Variants in NPAS2 observed in about 807,000 individuals in gnomAD.
The protein encoded by NPAS2 is neuronal PAS domain protein 2, also known as neuronal PAS domain-containing protein 2.
Under a neutral mutation model 107.5 loss-of-function variants are expected in NPAS2, and 23 were observed. The ratio of observed to expected loss-of-function variants is 0.21; its 90% CI spans 0.15 to 0.30. NPAS2 has a LOEUF of 0.30. Ranked by LOEUF, NPAS2 falls within the 10% of genes least tolerant of loss-of-function variation. NPAS2 has a pLI of 1.00. For missense variants in NPAS2, 756 were observed against 1,043.3 expected (o/e 0.72, Z 3.79); for synonymous variants, 403 against 417.5 (o/e 0.97, Z 0.42).
At position 100,820,342 on chromosome 2, in the gene NPAS2, G is replaced by C. The variant is rs1676004262; in HGVS notation, c.-95G>C. On this transcript the variant is annotated 5_prime_UTR_variant, in exon 1 of 21. Coordinates refer to ENST00000335681, the MANE Select transcript of NPAS2 (RefSeq NM_002518.4). This position sits in a 1 kb window ranked among gnomAD's most constrained non-coding sequence, Gnocchi z 5.6. The stretch of plus-strand genomic sequence containing the variant: ...CGCCCGCTCGCCGCCTCGTCTCCCA[G>C]CGGCGGCGGGAGGCGCGTCTCCCCG... 1 of 145,666 alleles carries C rather than the reference G, an allele frequency of 6.9e-6. No homozygotes were observed. Among genetic ancestry groups the C allele is most frequent in the South Asian group, 2.1e-4 (1 of 4,718 alleles). 9.0% of individuals were successfully genotyped at this position (145,666 alleles called of 1,614,324 possible).
chr2:100,882,544 C>T (rs11883885), intron 1 of NPAS2, among the ~76,000 whole-genome samples: 6,144 of 152,072 alleles, frequency 0.04, 398 homozygotes, highest in African/African-American at 0.14. Context: ...ACCCGGGAGG[C>T]GGAGGTTGCA....
chr2:100,981,552 C>T (rs1677439234), intron 15 of NPAS2, among the ~76,000 whole-genome samples: 1 of 152,112 alleles, frequency 6.6e-6, no homozygotes, highest in Non-Finnish European at 1.5e-5. Flanking sequence ...GAAGGGGAGA[C>T]CCAAAACAAT....
intron 2 of NPAS2, among the ~76,000 whole-genome samples, chr2:100,920,463 A>G (rs1438270917): frequency 6.6e-6 from 1 of 152,094 alleles, no homozygotes; most frequent in African/African-American, 2.4e-5. Context: ...ACTTCCCTGG[A>G]GGTCTGTCTG....
At chr2:100,869,925 G>A (rs1394968124) in intron 1 of NPAS2, among the ~76,000 whole-genome samples, 1 of 109,140 alleles carries the variant, frequency 9.2e-6, no homozygotes, top group African/African-American at 3.7e-5. Flanking sequence ...TTTTTTTTGA[G>A]ATGGAGTCTC....
At chr2:100,940,297 G>T (rs1418992916) in intron 5 of NPAS2, among the ~76,000 whole-genome samples, 1 of 152,338 alleles carries the variant, frequency 6.6e-6, no homozygotes, top group Middle Eastern at 3.4e-3. Flanking sequence ...TCACCAGTCT[G>T]CTCTGGTGTC....
intron 1 of NPAS2, among the ~76,000 whole-genome samples, chr2:100,856,630 C>T (rs750650642): frequency 5.4e-5 from 8 of 148,242 alleles, no homozygotes; most frequent in South Asian, 2.2e-4. Flanking sequence ...TCAAGCCATG[C>T]GGCACACTCC....
chr2:100,959,102 A>AAC (rs1675762650), intron 7 of NPAS2, among the ~76,000 whole-genome samples: 1 of 143,402 alleles, frequency 7.0e-6, no homozygotes, highest in Admixed American at 6.8e-5. Context: ...AAAAAAAAAA[A>AAC]AAAAAAACAA....
At chr2:100,988,041 T>A in intron 16 of NPAS2, 38 bp from the exon 17 acceptor site, 1 of 1,606,094 alleles carries the variant, frequency 6.2e-7, no homozygotes, top group Non-Finnish European at 8.5e-7. Flanking sequence ...GAGGTACCCA[T>A]GACCCCAACT....
chr2:100,833,575 A>G (rs982000861), intron 1 of NPAS2, among the ~76,000 whole-genome samples: 2 of 152,204 alleles, frequency 1.3e-5, no homozygotes, highest in Non-Finnish European at 2.9e-5. Flanking sequence ...CTAGAAGCCA[A>G]ACACTCAGAA....
intron 7 of NPAS2, 35 bp downstream of exon 7, chr2:100,949,515 C>CT: frequency 7.9e-7 from 1 of 1,258,492 alleles, no homozygotes; most frequent in Non-Finnish European, 1.2e-6. Context: ...GTGACAGTGT[C>CT]TTTTCTCATG....
At chr2:100,855,732 G>A (rs371894884) in intron 1 of NPAS2, among the ~76,000 whole-genome samples, 8 of 152,300 alleles carry the variant, frequency 5.3e-5, no homozygotes, top group Non-Finnish European at 8.8e-5. Context: ...GCATAGGGCC[G>A]AATTCAGCAG....
intron 1 of NPAS2, among the ~76,000 whole-genome samples, chr2:100,852,256 G>C (rs1335426855): frequency 6.6e-6 from 1 of 152,022 alleles, no homozygotes; most frequent in African/African-American, 2.4e-5. Context: ...AATTAGCCGG[G>C]CGTGGTGGTG....
chr2:100,852,373 G>T (rs1678254775), intron 1 of NPAS2, among the ~76,000 whole-genome samples: 1 of 151,924 alleles, frequency 6.6e-6, no homozygotes, highest in Non-Finnish European at 1.5e-5. Flanking sequence ...CTCCAGCCTG[G>T]GTGACAGAGC....
At chr2:100,892,587 C>T (rs1327104540) in intron 1 of NPAS2, among the ~76,000 whole-genome samples, 2 of 152,134 alleles carry the variant, frequency 1.3e-5, no homozygotes, top group African/African-American at 4.8e-5. Flanking sequence ...TGGATCTGTC[C>T]GCCTTGCCGT....
At chr2:100,932,868 G>T in intron 3 of NPAS2, 42 bp from the exon 4 acceptor site, 1 of 1,327,294 alleles carries the variant, frequency 7.5e-7, no homozygotes, top group Non-Finnish European at 1.1e-6. Flanking sequence ...CCAATTTCTA[G>T]GTGCCATTGA....
rs1209520454 is a variant in NPAS2, at chr2:100,942,876, G to A, written c.363+5034G>A. Among the ~76,000 whole-genome samples the A allele has an allele frequency of 3.3e-5, 5 of 152,164 alleles. No individual in the cohort carries two copies. In the East Asian group the frequency reaches 7.7e-4, roughly 23 times the overall value. On this transcript the variant is annotated intron_variant, in intron 5 of 20. Coordinates refer to ENST00000335681, the MANE Select transcript of NPAS2 (RefSeq NM_002518.4). ...GTGACTTCTCCTTTTGCTCAACATC[G>A]TTTGTGCTTCGCATCTGCCTCACAC... is the stretch of plus-strand genomic sequence containing the variant.
chr2:100,993,889 A>C, intron 20 of NPAS2: 1 of 211,820 alleles, frequency 4.7e-6, no homozygotes. Flanking sequence ...TGTGTTTATA[A>C]AGTCCTATAT....
chr2:100,831,161 G>A (rs182865110), intron 1 of NPAS2, among the ~76,000 whole-genome samples: 2 of 152,138 alleles, frequency 1.3e-5, no homozygotes, highest in South Asian at 2.1e-4. Flanking sequence ...TTAGCCGGGT[G>A]TGGTGATGGC....
chr2:100,891,574 C>T (rs536521353), intron 1 of NPAS2, among the ~76,000 whole-genome samples: 1 of 152,344 alleles, frequency 6.6e-6, no homozygotes, highest in South Asian at 2.1e-4. Flanking sequence ...ATGAGGTCAT[C>T]ATGCCCAGGC....
Sources: gnomAD v4.1 joint callset for allele counts (sites outside exome capture counted in the v4.1 genomes callset) on GRCh38, gnomAD v4.1.1 for gene constraint, Gnocchi (gnomAD v3.1) non-coding constraint, MANE v1.5 for transcripts, NCBI Gene and HGNC (gene_info 2026-07-23, HGNC 2026-07-21) for gene names.